The following CCDC138 variants were observed in gnomAD, a reference collection of about 807,000 sequenced individuals.
CCDC138 encodes the protein coiled-coil domain-containing protein 138.
A neutral mutation model predicts 82.3 loss-of-function variants in CCDC138; 66 were observed. The ratio of observed to expected loss-of-function variants is 0.80; its 90% CI spans 0.66 to 0.98. The LOEUF (loss-of-function observed/expected upper bound fraction) is 0.98. CCDC138 is among the 50% of genes least tolerant of loss of function. CCDC138 has a pLI of 0.00. For missense variants in CCDC138, 816 were observed against 758.9 expected (o/e 1.08, Z -0.88); for synonymous variants, 297 against 265.4 (o/e 1.12, Z -1.16).
chr2:108,852,863 A>G (rs987892762), intron 12 of CCDC138, among the ~76,000 whole-genome samples: 3 of 152,318 alleles, frequency 2.0e-5, no homozygotes, highest in East Asian at 3.9e-4. Flanking sequence ...GTACCTGTGT[A>G]ACAAACCTGC....
At chr2:108,833,240 A>G (rs1687996866) in intron 10 of CCDC138, among the ~76,000 whole-genome samples, 1 of 152,228 alleles carries the variant, frequency 6.6e-6, no homozygotes, top group Non-Finnish European at 1.5e-5. Context: ...AATGTAAACT[A>G]TAGACTTTAG....
At chr2:108,847,696 TC>T (rs952218504) in intron 12 of CCDC138, among the ~76,000 whole-genome samples, 3 of 152,244 alleles carry the variant, frequency 2.0e-5, no homozygotes, top group African/African-American at 7.2e-5. Flanking sequence ...CTTTCTGTCT[TC>T]CCTGTTTGTT....
intron 13 of CCDC138, among the ~76,000 whole-genome samples, chr2:108,869,158 A>G (rs1221440313): frequency 6.6e-6 from 1 of 152,174 alleles, no homozygotes; most frequent in Non-Finnish European, 1.5e-5. Flanking sequence ...GAAACACCAA[A>G]TAAATAGCTA....
At chr2:108,868,934 T>A (rs957391275) in intron 13 of CCDC138, among the ~76,000 whole-genome samples, 1 of 152,174 alleles carries the variant, frequency 6.6e-6, no homozygotes, top group Non-Finnish European at 1.5e-5. Context: ...TCTATTTGAT[T>A]AAGCTATAAG....
intron 7 of CCDC138, among the ~76,000 whole-genome samples, chr2:108,808,587 G>T (rs991030694): frequency 6.6e-6 from 1 of 152,066 alleles, no homozygotes; most frequent in South Asian, 2.1e-4. Flanking sequence ...TCATGGTTTC[G>T]ATTTGCATTA....
intron 13 of CCDC138, among the ~76,000 whole-genome samples, chr2:108,861,566 C>T (rs769323854): frequency 9.3e-5 from 14 of 150,032 alleles, no homozygotes; most frequent in South Asian, 4.2e-4. Context: ...CTGCAACCTC[C>T]GCCTCCTGGG....
rs771544822 is a variant in CCDC138 at position 108,812,712 on chromosome 2, A to C, written c.933+4A>C. The C allele has an allele frequency of 5.6e-6, 9 of 1,606,410 alleles. No homozygotes were observed. In the South Asian group the frequency reaches 7.7e-5, roughly 14 times the overall value. ...AGCTCGTTTAGATAATTTACAGGTA[A>C]GTTGCCTGTTCTTCTCTACAGACAG... On this transcript the variant is annotated splice_donor_region_variant and intron_variant, in intron 8 of 14. Transcript: ENST00000295124.
intron 10 of CCDC138, among the ~76,000 whole-genome samples, chr2:108,820,548 A>G (rs1685508109): frequency 6.6e-6 from 1 of 152,172 alleles, no homozygotes; most frequent in African/African-American, 2.4e-5. Context: ...CATTATAATC[A>G]AATTGTCAAA....
chr2:108,821,018 T>TAA (rs35010202), intron 10 of CCDC138, among the ~76,000 whole-genome samples: 1,684 of 152,012 alleles, frequency 0.011, 35 homozygotes, highest in African/African-American at 0.034. Flanking sequence ...ACAAAAGTAT[T>TAA]AAAAAAAACT....
intron 1 of CCDC138, among the ~76,000 whole-genome samples, chr2:108,787,555 A>G (rs1417684142): frequency 6.6e-6 from 1 of 152,236 alleles, no homozygotes; most frequent in Non-Finnish European, 1.5e-5. Flanking sequence ...TCTAGAGTTC[A>G]TAAGAAATTT....
At chr2:108,843,248 G>A (rs1163332292) in intron 11 of CCDC138, among the ~76,000 whole-genome samples, 1 of 152,048 alleles carries the variant, frequency 6.6e-6, no homozygotes, top group African/African-American at 2.4e-5. Context: ...ACCTCCGTCT[G>A]CTGGGTTCAA....
Position 108,786,794 on chromosome 2 carries a change from C to A in CCDC138, c.-29C>A. 1.3e-6 allele frequency: 2 copies of A among 1,563,246 alleles called. No individual in the cohort carries two copies. On this transcript the variant is annotated 5_prime_UTR_variant, in exon 1 of 15. Coordinates refer to ENST00000295124, the MANE Select transcript of CCDC138 (RefSeq NM_144978.3). ...CCGCGGGTTTGATGAACGCGGTTCC[C>A]GGGGAGACTGGTACGGTTGCTGTGT...
At chr2:108,809,490 T>A (rs1295203629) in intron 7 of CCDC138, among the ~76,000 whole-genome samples, 1 of 148,126 alleles carries the variant, frequency 6.8e-6, no homozygotes, top group Non-Finnish European at 1.5e-5. Flanking sequence ...GTGTGTGTGA[T>A]CTTCAGTTTC....
chr2:108,794,449 A>T, intron 4 of CCDC138, 91 bp from the exon 5 acceptor site: 1 of 1,133,434 alleles, frequency 8.8e-7, no homozygotes, highest in Non-Finnish European at 1.2e-6. Context: ...TATATTTTGT[A>T]CTTAAAGCAT....
intron 10 of CCDC138, among the ~76,000 whole-genome samples, chr2:108,831,745 C>T (rs1326533526): frequency 3.3e-5 from 5 of 151,778 alleles, no homozygotes; most frequent in Non-Finnish European, 7.4e-5. Context: ...TCCGTCCTTC[C>T]TGTTGAAACG....
chr2:108,879,137 A>T (rs1232097460), downstream of CCDC138, among the ~76,000 whole-genome samples: 1 of 152,152 alleles, frequency 6.6e-6, no homozygotes, highest in Non-Finnish European at 1.5e-5. Context: ...TCTTTTATTT[A>T]TTTATTTAAT....
In CCDC138 at chr2:108,823,007, A is replaced by G. The variant is rs542381736; in HGVS notation, c.1206+6902A>G. ...CAGAAATAAAAAGGTTTATAAGACAATGTTATCAACAATTGCATGCCAACA... is the reference window on the plus strand; with the variant it reads ...CAGAAATAAAAAGGTTTATAAGACAGTGTTATCAACAATTGCATGCCAACA... On this transcript the variant is annotated intron_variant, in intron 10 of 14. Transcript: ENST00000295124. 1.1e-4 allele frequency among the ~76,000 whole-genome samples: 16 copies of G among 152,356 alleles called. No individual in the cohort carries two copies. In the South Asian group the frequency reaches 2.3e-3, roughly 22 times the overall value.
intron 3 of CCDC138, among the ~76,000 whole-genome samples, chr2:108,789,195 A>G (rs934007136): frequency 6.6e-6 from 1 of 152,208 alleles, no homozygotes; most frequent in Non-Finnish European, 1.5e-5. Context: ...CATAATGGAA[A>G]GTTATTTATA....
chr2:108,837,268 C>T lies in CCDC138; in HGVS notation c.1207-1917C>T, dbSNP rs143490412. ...AAAGGGCGTTGAATCTTGTTCAGTG[C>T]TTTTTCTTTGTCAATTGAAATAATC... On this transcript the variant is annotated intron_variant, in intron 10 of 14. Transcript: ENST00000295124. Among the ~76,000 whole-genome samples, 601 of 152,152 alleles carry T rather than the reference C, an allele frequency of 4.0e-3. 6 individuals are homozygous for T. The highest frequency in any genetic ancestry group is 0.017 in the South Asian group (84 of 4,818).
Sources: allele counts gnomAD v4.1 joint callset (sites outside exome capture counted in the v4.1 genomes callset), GRCh38; gene constraint gnomAD v4.1.1; transcripts MANE v1.5; gene names NCBI Gene and HGNC (gene_info 2026-07-23, HGNC 2026-07-21).